The following PDE10A variants were observed in gnomAD, a reference collection of about 807,000 sequenced individuals.
PDE10A encodes the protein cAMP and cAMP-inhibited cGMP 3',5'-cyclic phosphodiesterase 10A.
PDE10A carries 39 observed loss-of-function variants against 97.7 expected under a neutral mutation model. The observed-to-expected ratio is 0.40, with a 90% CI of 0.31 to 0.52. The LOEUF (loss-of-function observed/expected upper bound fraction) is 0.52. Among genes scored for constraint, PDE10A ranks in the 20% least tolerant of loss-of-function variants. The probability of loss-of-function intolerance (pLI) is 0.56; values close to 1 mark genes in which losing one functional copy is unlikely to be tolerated. For missense variants in PDE10A, 731 were observed against 1,047.8 expected, an observed-to-expected ratio of 0.70 and a Z score of 4.17; for synonymous variants, 371 against 376.8, an observed-to-expected ratio of 0.98 and a Z score of 0.18.
chr6:165,831,751 C>T (rs1779925122), intron 1 of PDE10A, among the ~76,000 whole-genome samples: 1 of 152,106 alleles, frequency 6.6e-6, no homozygotes, highest in Admixed American at 6.5e-5. Context: ...TCCCAAAGTG[C>T]TGGGATTACA....
At chr6:165,669,694 T>A (rs1790593385) in intron 1 of PDE10A, among the ~76,000 whole-genome samples, 1 of 152,188 alleles carries the variant, frequency 6.6e-6, no homozygotes, top group African/African-American at 2.4e-5. Flanking sequence ...AACACTCCTA[T>A]CTGTATAGAG....
chr6:165,817,733 T>G (rs189558976), intron 1 of PDE10A, among the ~76,000 whole-genome samples: 88 of 152,272 alleles, frequency 5.8e-4, no homozygotes, highest in African/African-American at 2.0e-3. Flanking sequence ...AACTGGGTTG[T>G]AGCGTTGACT....
At chr6:165,403,294 G>A (rs1350751877) in intron 13 of PDE10A, among the ~76,000 whole-genome samples, 4 of 152,114 alleles carry the variant, frequency 2.6e-5, no homozygotes, top group Non-Finnish European at 5.9e-5. Flanking sequence ...TTCTGTTGTG[G>A]CAGTGGTGCA....
intron 3 of PDE10A, among the ~76,000 whole-genome samples, chr6:165,469,717 A>C (rs1041859991): frequency 6.6e-6 from 1 of 152,172 alleles, no homozygotes; most frequent in Non-Finnish European, 1.5e-5. Flanking sequence ...TTGATTTTCA[A>C]AATCCAAGAT....
At chr6:165,679,075 T>A (rs1056572440) in intron 1 of PDE10A, among the ~76,000 whole-genome samples, 11 of 152,240 alleles carry the variant, frequency 7.2e-5, no homozygotes, top group Non-Finnish European at 1.5e-4. Flanking sequence ...ACATTTAAAG[T>A]ACTCAACAGG....
intron 1 of PDE10A, among the ~76,000 whole-genome samples, chr6:165,880,702 T>C (rs13212052): frequency 0.036 from 5,529 of 152,332 alleles, 118 homozygotes; most frequent in Middle Eastern, 0.054. Context: ...GCCATTTTTC[T>C]CTGATATTAA....
intron 13 of PDE10A, among the ~76,000 whole-genome samples, chr6:165,402,640 G>T (rs144860486): frequency 9.9e-4 from 151 of 152,240 alleles, no homozygotes; most frequent in Admixed American, 1.5e-3. Flanking sequence ...AATATATTTT[G>T]ATGGCCTATC....
intron 1 of PDE10A, among the ~76,000 whole-genome samples, chr6:165,820,716 C>G (rs1173811373): frequency 6.6e-6 from 1 of 152,190 alleles, no homozygotes; most frequent in African/African-American, 2.4e-5. Context: ...ACGCACTTCC[C>G]TTTCCATTGC....
chr6:165,388,543 T>C lies in PDE10A; in HGVS notation c.2455-90A>G. The C allele has an allele frequency of 8.4e-7, 1 of 1,189,364 alleles. No homozygotes were observed. Among genetic ancestry groups the C allele is most frequent in the East Asian group, 2.3e-5 (1 of 42,852 alleles). The allele number at this position is 1,189,364 out of a possible 1,614,324, so 73.7% of individuals were successfully genotyped here. ...CTTACATTCATGTCACATTACTTTCTGGCATTAATATAGCACAAATACAGC... is the reference window on the plus strand; with the variant it reads ...CTTACATTCATGTCACATTACTTTCCGGCATTAATATAGCACAAATACAGC... On this transcript the variant is annotated intron_variant, in intron 16 of 21. Coordinates refer to ENST00000539869, the MANE Select transcript of PDE10A (RefSeq NM_001385079.1). This position sits in a 1 kb window ranked among gnomAD's most constrained non-coding sequence, Gnocchi z 4.0.
chr6:165,450,441 T>C (rs868707421), intron 3 of PDE10A, 79 bp from the exon 4 acceptor site: 1 of 638,040 alleles, frequency 1.6e-6, no homozygotes, highest in Admixed American at 3.0e-5. Context: ...TAAGACATAC[T>C]ATTAATATAT....
intron 1 of PDE10A, among the ~76,000 whole-genome samples, chr6:165,855,519 G>A (rs1780707622): frequency 6.6e-6 from 1 of 151,476 alleles, no homozygotes; most frequent in Non-Finnish European, 1.5e-5. Flanking sequence ...GCACCCCCAC[G>A]CAGCCCGGGT....
chr6:165,425,011 G>A (rs1789013292), intron 10 of PDE10A, among the ~76,000 whole-genome samples: 1 of 152,102 alleles, frequency 6.6e-6, no homozygotes, highest in South Asian at 2.1e-4. Flanking sequence ...ATATTCTCCT[G>A]TTGATATCTG....
At chr6:165,665,072 G>A (rs1051930830), upstream of PDE10A, among the ~76,000 whole-genome samples, 2 of 152,148 alleles carry the variant, frequency 1.3e-5, no homozygotes, top group African/African-American at 2.4e-5. Context: ...TTCTCCAAGT[G>A]CTTGCTGGAA....
At chr6:165,435,816 T>C (rs897982702) in intron 5 of PDE10A, among the ~76,000 whole-genome samples, 4 of 152,166 alleles carry the variant, frequency 2.6e-5, no homozygotes, top group African/African-American at 9.7e-5. Flanking sequence ...TTCATTTTCA[T>C]TAGAAATCTT....
intron 1 of PDE10A, among the ~76,000 whole-genome samples, chr6:165,598,575 G>A (rs564883897): frequency 6.6e-6 from 1 of 152,218 alleles, no homozygotes; most frequent in South Asian, 2.1e-4. Flanking sequence ...GCTCAGATCT[G>A]TAAAATGGTG....
At chr6:165,865,063 T>G (rs767670273) in intron 1 of PDE10A, among the ~76,000 whole-genome samples, 72 of 152,362 alleles carry the variant, frequency 4.7e-4, no homozygotes, top group Non-Finnish European at 8.4e-4. Context: ...CTGCTCAGCC[T>G]ACCACCACCA....
chr6:165,434,669 T>C (rs1459606561), intron 6 of PDE10A, among the ~76,000 whole-genome samples: 1 of 152,168 alleles, frequency 6.6e-6, no homozygotes, highest in Non-Finnish European at 1.5e-5. Flanking sequence ...CAGACTCCTG[T>C]TACCTCACAA....
At chr6:165,424,035 C>T (rs778113417) in intron 10 of PDE10A, among the ~76,000 whole-genome samples, 2 of 152,082 alleles carry the variant, frequency 1.3e-5, no homozygotes, top group Non-Finnish European at 2.9e-5. Flanking sequence ...AAAACTCCCT[C>T]CCAGGCCTGG....
At chr6:165,622,379 G>C (rs1160353832) in intron 1 of PDE10A, among the ~76,000 whole-genome samples, 1 of 152,146 alleles carries the variant, frequency 6.6e-6, no homozygotes, top group African/African-American at 2.4e-5. Context: ...ACATCACAGA[G>C]TGGACTTACA....
Sources: gnomAD v4.1 joint callset for allele counts (sites outside exome capture counted in the v4.1 genomes callset) on GRCh38, gnomAD v4.1.1 for gene constraint, Gnocchi (gnomAD v3.1) non-coding constraint, MANE v1.5 for transcripts, NCBI Gene and HGNC (gene_info 2026-07-23, HGNC 2026-07-21) for gene names.